Variants in MAD1L1 observed in about 807,000 individuals in gnomAD.
MAD1L1 encodes the protein mitotic arrest deficient 1 like 1.
Under a neutral mutation model 96.9 loss-of-function variants are expected in MAD1L1, and 95 were observed. That is an observed-to-expected ratio of 0.98 (90% CI 0.83 to 1.16). MAD1L1 has a LOEUF of 1.16. Among genes scored for constraint, MAD1L1 ranks in the 50% most tolerant of loss-of-function variants. The probability of loss-of-function intolerance (pLI) is 0.00; values close to 1 mark genes in which losing one functional copy is unlikely to be tolerated. For synonymous variants in MAD1L1, 473 were observed against 396.6 expected, an observed-to-expected ratio of 1.19 and a Z score of -2.29; for missense variants, 1,007 against 954.4, an observed-to-expected ratio of 1.06 and a Z score of -0.73.
chr7:2,002,568 G>A (rs1174506378), intron 13 of MAD1L1, among the ~76,000 whole-genome samples: 2 of 152,168 alleles, frequency 1.3e-5, no homozygotes, highest in Non-Finnish European at 1.5e-5. Context: ...TCCAGGCAGA[G>A]GCCCCACCTC....
intron 18 of MAD1L1, among the ~76,000 whole-genome samples, chr7:1,886,768 G>C (rs1225696696): frequency 6.6e-6 from 1 of 152,272 alleles, no homozygotes; most frequent in Non-Finnish European, 1.5e-5. Flanking sequence ...ATGGCACTGT[G>C]TGCAGACAGG....
At chr7:2,053,540 T>C (rs1784273437) in intron 12 of MAD1L1, among the ~76,000 whole-genome samples, 1 of 152,178 alleles carries the variant, frequency 6.6e-6, no homozygotes, top group African/African-American at 2.4e-5. Flanking sequence ...AGAAGCTGTG[T>C]GAAGGCCCCA....
intron 14 of MAD1L1, among the ~76,000 whole-genome samples, chr7:1,995,546 C>T (rs907379988): frequency 6.6e-6 from 1 of 152,094 alleles, no homozygotes; most frequent in Non-Finnish European, 1.5e-5. Context: ...GGCGCAGGAG[C>T]CCCAGGCGGG....
chr7:2,183,758 G>T lies in MAD1L1; in HGVS notation c.986+29454C>A, dbSNP rs189845421. Among the ~76,000 whole-genome samples the T allele has an allele frequency of 7.2e-3, 1,096 of 152,112 alleles. 7 individuals carry two copies. The highest frequency in any genetic ancestry group is 0.02 in the Middle Eastern group (6 of 294). ...CACACACCGGGGACTGTCGTGGGGT[G>T]GGGGGAGCGGGGAGGGACAGCATTA... is the stretch of plus-strand genomic sequence containing the variant. On this transcript the variant is annotated intron_variant, in intron 10 of 18. Coordinates refer to ENST00000265854, the MANE Select transcript of MAD1L1 (RefSeq NM_001013836.2).
intron 10 of MAD1L1, among the ~76,000 whole-genome samples, chr7:2,150,514 C>T (rs1421574875): frequency 6.6e-6 from 1 of 152,220 alleles, no homozygotes; most frequent in Non-Finnish European, 1.5e-5. Context: ...CAGCACCCAG[C>T]TCCTCCTCCA....
intron 17 of MAD1L1, among the ~76,000 whole-genome samples, chr7:1,905,530 G>T (rs1225557351): frequency 6.6e-5 from 10 of 151,576 alleles, no homozygotes; most frequent in African/African-American, 1.2e-4. Flanking sequence ...AGGACACAGT[G>T]GCCTATGGAA....
At chr7:2,048,245 G>T (rs1227537126) in intron 12 of MAD1L1, among the ~76,000 whole-genome samples, 1 of 152,242 alleles carries the variant, frequency 6.6e-6, no homozygotes, top group Non-Finnish European at 1.5e-5. Context: ...CCCTAGTCGG[G>T]CAGCGGGGTA....
intron 10 of MAD1L1, among the ~76,000 whole-genome samples, chr7:2,201,557 G>C (rs954656615): frequency 2.0e-5 from 3 of 152,184 alleles, no homozygotes; most frequent in Non-Finnish European, 4.4e-5. Flanking sequence ...CTTGTCTAAA[G>C]CCTGTCACTC....
chr7:1,891,992 T>C (rs1400423457), intron 18 of MAD1L1, among the ~76,000 whole-genome samples: 1 of 151,068 alleles, frequency 6.6e-6, no homozygotes, highest in Non-Finnish European at 1.5e-5. Flanking sequence ...GCCTTCACAC[T>C]CACTCACCCT....
At chr7:2,052,320 G>A (rs1784216747) in intron 12 of MAD1L1, among the ~76,000 whole-genome samples, 1 of 152,256 alleles carries the variant, frequency 6.6e-6, no homozygotes. Context: ...AGGAGCCCCA[G>A]GCCTGCCGCC....
At chr7:1,963,809 T>C (rs1780047007) in intron 15 of MAD1L1, among the ~76,000 whole-genome samples, 1 of 152,192 alleles carries the variant, frequency 6.6e-6, no homozygotes, top group Non-Finnish European at 1.5e-5. Flanking sequence ...GCAGCAACAA[T>C]GCTTCGCTCC....
At position 2,069,186 on chromosome 7, in the gene MAD1L1, T is replaced by C. The variant is rs758982859; in HGVS notation, c.1218+8A>G. ...CGACTCTGATCAAGATGTAAGGGCA[T>C]ACATCACCTTGGTGAGCAGCAGGAC... On this transcript the variant is annotated splice_region_variant and intron_variant, in intron 12 of 18. Coordinates refer to ENST00000265854, the MANE Select transcript of MAD1L1 (RefSeq NM_001013836.2). 86 of 1,581,804 alleles carry C rather than the reference T, an allele frequency of 5.4e-5. No individual in the cohort carries two copies. Among genetic ancestry groups the C allele is most frequent in the Non-Finnish European group, 6.6e-5 (77 of 1,164,770 alleles).
chr7:2,206,351 A>G (rs1242869799), intron 10 of MAD1L1, among the ~76,000 whole-genome samples: 1 of 152,202 alleles, frequency 6.6e-6, no homozygotes, highest in Non-Finnish European at 1.5e-5. Flanking sequence ...AGTCTAATTT[A>G]TCAATTTTTT....
At chr7:1,924,579 G>A (rs1284880275) in intron 17 of MAD1L1, among the ~76,000 whole-genome samples, 2 of 152,216 alleles carry the variant, frequency 1.3e-5, no homozygotes, top group Non-Finnish European at 2.9e-5. Flanking sequence ...ACACTGCTGG[G>A]CAAGCAAACG....
chr7:2,150,313 A>G (rs2128580671), intron 10 of MAD1L1, among the ~76,000 whole-genome samples: 1 of 152,210 alleles, frequency 6.6e-6, no homozygotes, highest in South Asian at 2.1e-4. Context: ...GGCACACTGC[A>G]ACCACGGACC....
chr7:1,957,827 G>C, intron 15 of MAD1L1, 108 bp from the exon 16 acceptor site: 1 of 862,700 alleles, frequency 1.2e-6, no homozygotes, highest in Non-Finnish European at 1.9e-6. Context: ...CAGCTATACA[G>C]CTTTATTTCT....
In MAD1L1 at chr7:2,216,169, C is replaced by G. The variant is rs1253705511; in HGVS notation, c.797G>C (p.Ser266Thr). Residue 266 changes from serine (S) to threonine (T), a missense_variant, in exon 8 of 19, where the codon AGC becomes ACC. Ser to Thr is a moderately conservative substitution (Grantham distance 58). Coordinates refer to ENST00000265854, the MANE Select transcript of MAD1L1 (RefSeq NM_001013836.2). Reference protein sequence around the residue: ...ERELKQLREESAHLREMRETN... With the variant: ...ERELKQLREETAHLREMRETN... ...CGCAACCCCTCACCGCAGGTGCGCG[C>G]TCTCCTCCCGCAGCTGCTTCAGCTC... 1 of 1,613,182 alleles carries G rather than the reference C, an allele frequency of 6.2e-7. No homozygotes were observed. The highest frequency in any genetic ancestry group is 1.1e-5 in the South Asian group (1 of 91,010).
chr7:2,222,799 G>C (rs372616529), intron 4 of MAD1L1, 45 bp from the exon 5 acceptor site: 2 of 1,478,076 alleles, frequency 1.4e-6, no homozygotes, highest in East Asian at 2.4e-5. Context: ...GCCCACGGGA[G>C]GGTCAGCGGG....
At chr7:2,162,252 C>A (rs1164961192) in intron 10 of MAD1L1, among the ~76,000 whole-genome samples, 5 of 151,746 alleles carry the variant, frequency 3.3e-5, no homozygotes, top group African/African-American at 9.7e-5. Context: ...AAGAAAAATT[C>A]TTCTGCCTTG....
Sources: allele counts gnomAD v4.1 joint callset (sites outside exome capture counted in the v4.1 genomes callset), GRCh38; gene constraint gnomAD v4.1.1; transcripts MANE v1.5; gene names NCBI Gene and HGNC (gene_info 2026-07-23, HGNC 2026-07-21).